Variants in AQP1 observed in about 807,000 individuals in gnomAD.
AQP1 encodes aquaporin 1 (Colton blood group), also known as aquaporin-1.
Under a neutral mutation model 19.7 loss-of-function variants are expected in AQP1, and 11 were observed. The ratio of observed to expected loss-of-function variants is 0.56; its 90% CI spans 0.35 to 0.92. The LOEUF is 0.92. Ranked by LOEUF, AQP1 falls within the 40% of genes least tolerant of loss-of-function variation. The pLI is 0.01. For synonymous variants in AQP1, 159 were observed against 166.7 expected, an observed-to-expected ratio of 0.95 and a Z score of 0.36; for missense variants, 320 against 369.7, an observed-to-expected ratio of 0.87 and a Z score of 1.10.
chr7:30,917,880 T>A (rs781375088), intron 1 of AQP1, among the ~76,000 whole-genome samples: 7 of 152,264 alleles, frequency 4.6e-5, no homozygotes, highest in Non-Finnish European at 8.8e-5. Context: ...CATTTTTCAC[T>A]CTGGTGGTAG....
In AQP1 at chr7:30,924,980, G is replaced by A. The variant is rs1791638166; in HGVS notation, c.*1351G>A. ...TCAGAGATCAGGATCAGCTTTGAAG[G>A]CTGGATTCTATCTACATAAGTCCTT... On this transcript the variant is annotated 3_prime_UTR_variant, in exon 4 of 4. Transcript: ENST00000311813. 1 of 152,228 alleles carries A rather than the reference G, an allele frequency of 6.6e-6. No homozygotes were observed. Among genetic ancestry groups the A allele is most frequent in the Non-Finnish European group, 1.5e-5 (1 of 68,096 alleles). The allele number at this position is 152,228 out of a possible 1,614,324, so 9.4% of individuals were successfully genotyped here. A position where few individuals can be genotyped will look rare whatever the true frequency, so the allele number is the denominator to read the frequency against.
intron 1 of AQP1, chr7:30,921,487 A>T: frequency 6.8e-7 from 1 of 1,481,412 alleles, no homozygotes; most frequent in Non-Finnish European, 9.0e-7. Context: ...GGAGAAGGAG[A>T]GAGAGAGGGT....
chr7:30,921,169 G>A (rs1168861111), intron 1 of AQP1: 2 of 637,272 alleles, frequency 3.1e-6, no homozygotes, highest in East Asian at 2.0e-4. Context: ...TAGCCCCTGG[G>A]ACGGCCACAA....
intron 1 of AQP1, 73 bp from the exon 2 acceptor site, chr7:30,921,993 G>A (rs1386155701): frequency 1.2e-6 from 2 of 1,603,008 alleles, no homozygotes; most frequent in Non-Finnish European, 1.7e-6. Flanking sequence ...GGAGGCCTGG[G>A]TATCCTTGGG....
intron 1 of AQP1, 86 bp from the exon 2 acceptor site, chr7:30,921,980 C>T: frequency 6.3e-7 from 1 of 1,595,214 alleles, no homozygotes; most frequent in South Asian, 1.1e-5. Flanking sequence ...ATGCCTGGGC[C>T]TGGGAGGCCT....
chr7:30,923,320 C>T lies in AQP1; in HGVS notation c.631-130C>T. ...CCGGAATCATGATGTTAGGATTTGG[C>T]TCTCCTACCTGCCTCCATCCCAGGT... On this transcript the variant is annotated intron_variant, in intron 3 of 3. Transcript: ENST00000311813. This position sits in a 1 kb window ranked among gnomAD's most constrained non-coding sequence, Gnocchi z 4.8. 1 of 1,519,152 alleles carries T rather than the reference C, an allele frequency of 6.6e-7. No homozygotes were observed. The highest frequency in any genetic ancestry group is 8.9e-7 in the Non-Finnish European group (1 of 1,129,756). The allele number at this position is 1,519,152 out of a possible 1,614,324, so 94.1% of individuals were successfully genotyped here.
Position 30,924,378 on chromosome 7 carries a change from A to G in AQP1, c.*749A>G, listed in dbSNP as rs1680643317. On this transcript the variant is annotated 3_prime_UTR_variant, in exon 4 of 4. Coordinates refer to ENST00000311813, the MANE Select transcript of AQP1 (RefSeq NM_198098.4). ...TGACTGTCGCCACACGCCTCTGTGT[A>G]CATGTGTGCAGAGCAGACAGGCTAC... 1.8e-5 allele frequency: 3 copies of G among 168,498 alleles called. No individual in the cohort carries two copies. The South Asian group carries it at 4.8e-4, about 27-fold the overall frequency. 10.4% of individuals were successfully genotyped at this position (168,498 alleles called of 1,614,324 possible). A position where few individuals can be genotyped will look rare whatever the true frequency, so the allele number is the denominator to read the frequency against.
chr7:30,921,183 A>T (rs1025868429), intron 1 of AQP1: 80 of 780,034 alleles, frequency 1.0e-4, no homozygotes, highest in Admixed American at 8.5e-4. Flanking sequence ...GCCACAAAGC[A>T]TAGTGGAAGG....
rs1025237855 is a variant in AQP1 at position 30,923,658 on chromosome 7, G to C, written c.*29G>C. The C allele has an allele frequency of 7.0e-6, 11 of 1,576,442 alleles. No homozygotes were observed. Among genetic ancestry groups the C allele is most frequent in the Non-Finnish European group, 9.5e-6 (11 of 1,162,386 alleles). On this transcript the variant is annotated 3_prime_UTR_variant, in exon 4 of 4. Coordinates refer to ENST00000311813, the MANE Select transcript of AQP1 (RefSeq NM_198098.4). This position sits in a 1 kb window ranked among gnomAD's most constrained non-coding sequence, Gnocchi z 4.8. ...GGGTCTGGCCCGGGCATCCACGTAG[G>C]GGGCAGGGGCAGGGGCGGGCGGAGG...
Position 30,923,414 on chromosome 7 carries a change from AGT to A in AQP1, c.631-34_631-33del. ...AGGGAACGCTTCCCAGGGGCTTTTG[AGT>A]GGAGCCCTCTGAACACACCTGCTCT... On this transcript the variant is annotated intron_variant, in intron 3 of 3. Coordinates refer to ENST00000311813, the MANE Select transcript of AQP1 (RefSeq NM_198098.4). This position sits in a 1 kb window ranked among gnomAD's most constrained non-coding sequence, Gnocchi z 4.8. 6.2e-7 allele frequency: 1 copy of A among 1,612,704 alleles called. No homozygotes were observed. The highest frequency in any genetic ancestry group is 8.5e-7 in the Non-Finnish European group (1 of 1,179,658).
chr7:30,922,104 C>G lies in AQP1; in HGVS notation c.423C>G (p.Ile141Met). ...TGAACTCGGGCCAGGGCCTGGGCAT[C>G]GAGATCATCGGGACCCTCCAGCTGG... ...DGVNSGQGLG[I>M]EIIGTLQLVL... Residue 141 changes from isoleucine (I) to methionine (M), a missense_variant, in exon 2 of 4, where the codon ATC becomes ATG. Ile to Met is a conservative substitution (Grantham distance 10, BLOSUM62 1). Coordinates refer to ENST00000311813, the MANE Select transcript of AQP1 (RefSeq NM_198098.4). The G allele has an allele frequency of 1.9e-6, 3 of 1,614,122 alleles. No individual in the cohort carries two copies. The highest frequency in any genetic ancestry group is 2.5e-6 in the Non-Finnish European group (3 of 1,180,036).
intron 1 of AQP1, among the ~76,000 whole-genome samples, chr7:30,919,848 G>A (rs1483058695): frequency 6.6e-6 from 1 of 152,154 alleles, no homozygotes; most frequent in African/African-American, 2.4e-5. Context: ...TTGAAGGAAG[G>A]TTGTCAGTAG....
intron 1 of AQP1, among the ~76,000 whole-genome samples, chr7:30,917,359 G>T (rs566273242): frequency 7.3e-4 from 111 of 152,298 alleles, no homozygotes; most frequent in Admixed American, 1.8e-3. Flanking sequence ...TCCTCTCCCT[G>T]CCCTGGAGTT....
chr7:30,920,443 C>T (rs999093761), intron 1 of AQP1, among the ~76,000 whole-genome samples: 3 of 152,174 alleles, frequency 2.0e-5, no homozygotes, highest in African/African-American at 4.8e-5. Context: ...CAGCTCCACC[C>T]GCCGTCACTC....
At chr7:30,917,453 A>G (rs1362095008) in intron 1 of AQP1, among the ~76,000 whole-genome samples, 2 of 152,200 alleles carry the variant, frequency 1.3e-5, no homozygotes, top group Non-Finnish European at 2.9e-5. Flanking sequence ...TTCTGGGAGC[A>G]AATAAAGGCC....
At chr7:30,921,749 A>G in intron 1 of AQP1, 4 of 1,550,312 alleles carry the variant, frequency 2.6e-6, no homozygotes, top group Non-Finnish European at 3.5e-6. Flanking sequence ...ACCCCAGAAT[A>G]CCCTGGCCTG....
chr7:30,914,043 C>T (rs1362800785), intron 1 of AQP1, among the ~76,000 whole-genome samples: 1 of 152,188 alleles, frequency 6.6e-6, no homozygotes, highest in Admixed American at 6.5e-5. Flanking sequence ...TCTGCACCTG[C>T]TGGCGAAGGC....
chr7:30,914,944 A>G (rs896127815), intron 1 of AQP1, among the ~76,000 whole-genome samples: 1 of 152,222 alleles, frequency 6.6e-6, no homozygotes, highest in African/African-American at 2.4e-5. Context: ...TCTAAGAGCC[A>G]AATACCAATT....
Position 30,923,902 on chromosome 7 carries a change from C to T in AQP1, c.*273C>T, listed in dbSNP as rs202039962. ...GGAGGAGGTGAAAGAAAGGGACCCA[C>T]CTGCTAGTCGCCCCTCAGAGCATGA... On this transcript the variant is annotated 3_prime_UTR_variant, in exon 4 of 4. Transcript: ENST00000311813. The surrounding 1 kb of genome is among the most constrained non-coding windows in gnomAD (Gnocchi z 4.8). The T allele has an allele frequency of 1.0e-5, 15 of 1,468,356 alleles. No homozygotes were observed. The South Asian group carries it at 1.7e-4, about 17-fold the overall frequency. The allele number at this position is 1,468,356 out of a possible 1,614,324, so 91.0% of individuals were successfully genotyped here.
Sources: allele counts gnomAD v4.1 joint callset (sites outside exome capture counted in the v4.1 genomes callset), GRCh38; gene constraint gnomAD v4.1.1; non-coding constraint Gnocchi (gnomAD v3.1); transcripts MANE v1.5; gene names NCBI Gene and HGNC (gene_info 2026-07-23, HGNC 2026-07-21).